FOXJ2: variants seen among roughly 807,000 people sequenced by gnomAD.
The protein encoded by FOXJ2 is forkhead box protein J2.
Under a neutral mutation model 68.4 loss-of-function variants are expected in FOXJ2, and 18 were observed. That is an observed-to-expected ratio of 0.26 (90% CI 0.18 to 0.39). The LOEUF (loss-of-function observed/expected upper bound fraction) is 0.39, where lower values mean the gene tolerates loss of function less well. Among genes scored for constraint, FOXJ2 ranks in the 10% least tolerant of loss-of-function variants. The pLI, the probability that FOXJ2 is intolerant of heterozygous loss-of-function variation, is 1.00. For missense variants in FOXJ2, 670 were observed against 726.5 expected, an observed-to-expected ratio of 0.92 and a Z score of 0.89; for synonymous variants, 274 against 263.2, an observed-to-expected ratio of 1.04 and a Z score of -0.40.
At chr12:8,046,589 T>G (rs1412422539) in intron 6 of FOXJ2, among the ~76,000 whole-genome samples, 3 of 152,236 alleles carry the variant, frequency 2.0e-5, no homozygotes, top group Non-Finnish European at 4.4e-5. Flanking sequence ...TTTTCCTAAT[T>G]ATCATATGAG....
Position 8,048,190 on chromosome 12 carries a change from C to A in FOXJ2, c.1126C>A (p.His376Asn), listed in dbSNP as rs776564838. Residue 376 changes from histidine (H) to asparagine (N), a missense_variant, in exon 7 of 11, where the codon CAC becomes AAC. Physicochemically the swap from His to Asn is moderately conservative, Grantham distance 68. This residue lies in a region of FOXJ2 where 555 missense variants were observed against 562.2 expected (regional missense o/e 0.99). Transcript: ENST00000162391. ...HPPPLQHGGY[H>N]PHQHHPHSHP... ...ACCCCCGCTGCAGCATGGAGGCTAC[C>A]ACCCTCATCAGCACCATCCCCACTC... The A allele has an allele frequency of 1.2e-6, 2 of 1,613,786 alleles. No individual in the cohort carries two copies. Among genetic ancestry groups the A allele is most frequent in the South Asian group, 2.2e-5 (2 of 90,984 alleles).
chr12:8,052,752 T>C lies in FOXJ2; in HGVS notation c.1637-10T>C, dbSNP rs2120356512. On this transcript the variant is annotated splice_polypyrimidine_tract_variant and intron_variant, in intron 10 of 10. Transcript: ENST00000162391. Reference sequence around the variant, plus strand: ...ACTCTCCTTTTACTCTCTTTCTTTCTTTCTAACAGCACACCATATGGTCCC... The same window carrying C: ...ACTCTCCTTTTACTCTCTTTCTTTCCTTCTAACAGCACACCATATGGTCCC... 6.2e-7 allele frequency: 1 copy of C among 1,603,264 alleles called. No individual in the cohort carries two copies. The highest frequency in any genetic ancestry group is 2.2e-5 in the East Asian group (1 of 44,764).
rs776945571 is a variant in FOXJ2, at chr12:8,044,975, G to A, written c.817+17G>A. 7.4e-6 allele frequency: 12 copies of A among 1,612,888 alleles called. No individual in the cohort carries two copies. Among genetic ancestry groups the A allele is most frequent in the Non-Finnish European group, 1.0e-5 (12 of 1,178,998 alleles). Reference sequence around the variant, plus strand: ...CTCAGCACGGTGAGTCTGGAGTTGGGATGGGTGCAGGGAGACTTTTTTATC... The same window carrying A: ...CTCAGCACGGTGAGTCTGGAGTTGGAATGGGTGCAGGGAGACTTTTTTATC... On this transcript the variant is annotated intron_variant, in intron 6 of 10. Coordinates refer to ENST00000162391, the MANE Select transcript of FOXJ2 (RefSeq NM_018416.3).
intron 6 of FOXJ2, among the ~76,000 whole-genome samples, chr12:8,047,534 A>G (rs1382338462): frequency 1.3e-5 from 2 of 151,544 alleles, no homozygotes; most frequent in African/African-American, 4.8e-5. Flanking sequence ...TTTTTTCCCT[A>G]AACACTAGAT....
Position 8,047,810 on chromosome 12 carries a change from A to T in FOXJ2, c.818-72A>T. ...GTTTTAGTCTGAGGCTTCCCATCTC[A>T]ACCCAGGGAAAATCCCATTTTGTGA... On this transcript the variant is annotated intron_variant, in intron 6 of 10. Coordinates refer to ENST00000162391, the MANE Select transcript of FOXJ2 (RefSeq NM_018416.3). 3 of 1,513,406 alleles carry T rather than the reference A, an allele frequency of 2.0e-6. No individual in the cohort carries two copies. The South Asian group carries it at 3.8e-5, about 19-fold the overall frequency. 93.7% of individuals were successfully genotyped at this position (1,513,406 alleles called of 1,614,324 possible).
In FOXJ2 at chr12:8,033,558, C is replaced by T. The variant is rs2121312122; in HGVS notation, c.-290C>T. ...GGAGACAACTCCTGGTTGGGAGAGG[C>T]TCCTCCCCTCCTCCCCCGGGTAACA... On this transcript the variant is annotated 5_prime_UTR_variant, in exon 1 of 11. Transcript: ENST00000162391. 6.5e-6 allele frequency: 1 copy of T among 152,804 alleles called. No homozygotes were observed. Among genetic ancestry groups the T allele is most frequent in the South Asian group, 2.1e-4 (1 of 4,830 alleles). 9.5% of individuals were successfully genotyped at this position (152,804 alleles called of 1,614,324 possible). A position where few individuals can be genotyped will look rare whatever the true frequency, so the allele number is the denominator to read the frequency against.
chr12:8,040,060 C>T lies in FOXJ2; in HGVS notation c.228C>T (p.Thr76=). ...GATACAGCTATGCCACTCTCATCAC[C>T]TATGCCATCAACTCCTCTCCAGCCA... ...KPRYSYATLI[T]YAINSSPAKK... Residue 76 remains threonine (T), a synonymous_variant, in exon 2 of 11, where the codon ACC becomes ACT. Transcript: ENST00000162391. This position sits in a 1 kb window ranked among gnomAD's most constrained non-coding sequence, Gnocchi z 4.0. The T allele has an allele frequency of 6.2e-7, 1 of 1,614,176 alleles. No individual in the cohort carries two copies. Among genetic ancestry groups the T allele is most frequent in the Non-Finnish European group, 8.5e-7 (1 of 1,180,046 alleles).
intron 10 of FOXJ2, among the ~76,000 whole-genome samples, chr12:8,051,221 C>T (rs1947122693): frequency 6.6e-6 from 1 of 151,522 alleles, no homozygotes; most frequent in Non-Finnish European, 1.5e-5. Context: ...CCTCCACCTC[C>T]TGGGTTGAAA....
rs763299386 is a variant in FOXJ2 at position 8,048,402 on chromosome 12, C to T, written c.1225+113C>T. 41 of 1,466,538 alleles carry T rather than the reference C, an allele frequency of 2.8e-5. No homozygotes were observed. The African/African-American group carries it at 3.7e-4, about 13-fold the overall frequency. The allele number at this position is 1,466,538 out of a possible 1,614,324, so 90.8% of individuals were successfully genotyped here. A position where few individuals can be genotyped will look rare whatever the true frequency, so the allele number is the denominator to read the frequency against. On this transcript the variant is annotated intron_variant, in intron 7 of 10. Coordinates refer to ENST00000162391, the MANE Select transcript of FOXJ2 (RefSeq NM_018416.3). ...AGTTAATGATGGGTCTTTTAGGCTT[C>T]GCTCCTTCATGTGAGCTAATCTGAA...
chr12:8,043,916 C>G, intron 4 of FOXJ2, 35 bp from the exon 5 acceptor site: 1 of 1,555,134 alleles, frequency 6.4e-7, no homozygotes, highest in Non-Finnish European at 8.7e-7. Flanking sequence ...TATTGCGCCT[C>G]TGCTTATAGA....
rs2121328340 is a variant in FOXJ2 at position 8,040,840 on chromosome 12, A to G, written c.333+675A>G. Reference sequence around the variant, plus strand: ...CATGGCATCACTCCTTCCTACCTAGAGGTAGGAGTCTAATCTAGAGCATCA... The same window carrying G: ...CATGGCATCACTCCTTCCTACCTAGGGGTAGGAGTCTAATCTAGAGCATCA... On this transcript the variant is annotated intron_variant, in intron 2 of 10. Transcript: ENST00000162391. This position sits in a 1 kb window ranked among gnomAD's most constrained non-coding sequence, Gnocchi z 4.0. 6.6e-6 allele frequency among the ~76,000 whole-genome samples: 1 copy of G among 152,256 alleles called. No individual in the cohort carries two copies. The highest frequency in any genetic ancestry group is 1.9e-4 in the East Asian group (1 of 5,176).
At position 8,033,174 on chromosome 12, in the gene FOXJ2, C is replaced by T. The variant is rs1456460376; in HGVS notation, c.-674C>T. ...ACCCCCAGAAGTGGAAAGAAGGGAG[C>T]TTTCCGTAGGGAAGCAGAGTGAGAC... On this transcript the variant is annotated 5_prime_UTR_variant, in exon 1 of 11. Transcript: ENST00000162391. The T allele has an allele frequency of 2.3e-5, 7 of 300,934 alleles. No individual in the cohort carries two copies. The highest frequency in any genetic ancestry group is 1.5e-4 in the African/African-American group (7 of 46,262). The allele number at this position is 300,934 out of a possible 1,614,324, so 18.6% of individuals were successfully genotyped here. A position where few individuals can be genotyped will look rare whatever the true frequency, so the allele number is the denominator to read the frequency against.
chr12:8,043,854 G>C, intron 4 of FOXJ2, 85 bp downstream of exon 4: 1 of 1,604,666 alleles, frequency 6.2e-7, no homozygotes, highest in Non-Finnish European at 8.5e-7. Context: ...TCCTTTCAGA[G>C]GCAAAGGTGG....
At chr12:8,050,137 A>ATT in intron 9 of FOXJ2, 1 of 193,634 alleles carries the variant, frequency 5.2e-6, no homozygotes, top group Non-Finnish European at 1.0e-5. Context: ...TGCCCAGCTA[A>ATT]TTTTTTTTTT....
rs945208311 is a variant in FOXJ2, at chr12:8,053,668, G to C, written c.*818G>C. On this transcript the variant is annotated 3_prime_UTR_variant, in exon 11 of 11. Coordinates refer to ENST00000162391, the MANE Select transcript of FOXJ2 (RefSeq NM_018416.3). This position sits in a 1 kb window ranked among gnomAD's most constrained non-coding sequence, Gnocchi z 4.1. ...TAGCCCAAACTCTGCTTCTATGGTA[G>C]GGCATGAGGACAACTATTCAGCATG... 6.6e-6 allele frequency: 1 copy of C among 152,168 alleles called. No individual in the cohort carries two copies. The highest frequency in any genetic ancestry group is 1.5e-5 in the Non-Finnish European group (1 of 68,036). The allele number at this position is 152,168 out of a possible 1,614,324, so 9.4% of individuals were successfully genotyped here.
In FOXJ2 at chr12:8,054,366, T is replaced by A. The variant is rs1388514212; in HGVS notation, c.*1516T>A. 1 of 152,264 alleles carries A rather than the reference T, an allele frequency of 6.6e-6. No individual in the cohort carries two copies. Among genetic ancestry groups the A allele is most frequent in the Non-Finnish European group, 1.5e-5 (1 of 68,044 alleles). 9.4% of individuals were successfully genotyped at this position (152,264 alleles called of 1,614,324 possible). Reference sequence around the variant, plus strand: ...TTACTTCTGTCCTTATTTCACTTGCTGAAAAGCTGTGGGACAAAATGTATG... The same window carrying A: ...TTACTTCTGTCCTTATTTCACTTGCAGAAAAGCTGTGGGACAAAATGTATG... On this transcript the variant is annotated 3_prime_UTR_variant, in exon 11 of 11. Coordinates refer to ENST00000162391, the MANE Select transcript of FOXJ2 (RefSeq NM_018416.3).
chr12:8,043,797 C>G, intron 4 of FOXJ2, 28 bp downstream of exon 4: 2 of 1,613,648 alleles, frequency 1.2e-6, no homozygotes, highest in Middle Eastern at 1.7e-4. Flanking sequence ...GAGGAGATGC[C>G]ATATCTGAGC....
At position 8,049,438 on chromosome 12, in the gene FOXJ2, C is replaced by T. The variant is rs1269527682; in HGVS notation, c.1404C>T (p.Asp468=). ...AGCATCACATTGCCAATCTGTGTGACTCCCTCAACCACTTCCTTACTCAGA... is the reference window on the plus strand; with the variant it reads ...AGCATCACATTGCCAATCTGTGTGATTCCCTCAACCACTTCCTTACTCAGA... The part of the protein sequence containing the change: ...LDQHHIANLC[D]SLNHFLTQTG... Residue 468 remains aspartate (D), a synonymous_variant, in exon 9 of 11, where the codon GAC becomes GAT. Transcript: ENST00000162391. 1.2e-6 allele frequency: 2 copies of T among 1,614,060 alleles called. No individual in the cohort carries two copies. Among genetic ancestry groups the T allele is most frequent in the South Asian group, 1.1e-5 (1 of 91,072 alleles).
At position 8,048,748 on chromosome 12, in the gene FOXJ2, AGAT is replaced by A. The variant is rs761254485; in HGVS notation, c.1279_1281del (p.Met427del). On this transcript the variant is annotated inframe_deletion, in exon 8 of 11. Coordinates refer to ENST00000162391, the MANE Select transcript of FOXJ2 (RefSeq NM_018416.3). ...ATTGACTCTTTAAAGGAAAGCTTCA[AGAT>A]GGTGAATCGGCTCAATTGGTCCAGC... The A allele has an allele frequency of 6.2e-7, 1 of 1,614,056 alleles. No homozygotes were observed. The highest frequency in any genetic ancestry group is 1.3e-5 in the African/African-American group (1 of 74,934).
Sources: gnomAD v4.1 joint callset for allele counts (sites outside exome capture counted in the v4.1 genomes callset) on GRCh38, gnomAD v4.1.1 for gene constraint, gnomAD v4.1.1 regional missense constraint, Gnocchi (gnomAD v3.1) non-coding constraint, MANE v1.5 for transcripts, NCBI Gene and HGNC (gene_info 2026-07-23, HGNC 2026-07-21) for gene names.